ELOVL6: variants seen among roughly 807,000 people sequenced by gnomAD.
The protein encoded by ELOVL6 is very long chain fatty acid elongase 6.
Under a neutral mutation model 31.7 loss-of-function variants are expected in ELOVL6, and 8 were observed. The observed-to-expected ratio is 0.25, with a 90% CI of 0.15 to 0.45. ELOVL6 has a LOEUF of 0.45. Among genes scored for constraint, ELOVL6 ranks in the 20% least tolerant of loss-of-function variants. ELOVL6 has a pLI of 1.00. For synonymous variants in ELOVL6, 101 were observed against 117.7 expected, an observed-to-expected ratio of 0.86 and a Z score of 0.92; for missense variants, 126 against 326.4, an observed-to-expected ratio of 0.39 and a Z score of 4.73.
intron 2 of ELOVL6, among the ~76,000 whole-genome samples, chr4:110,098,909 T>C (rs1442973791): frequency 6.6e-6 from 1 of 152,178 alleles, no homozygotes; most frequent in Admixed American, 6.5e-5. Flanking sequence ...TCATCATCAT[T>C]GTTTTTGTGG....
At chr4:110,136,602 T>C (rs1757818907) in intron 1 of ELOVL6, among the ~76,000 whole-genome samples, 1 of 152,218 alleles carries the variant, frequency 6.6e-6, no homozygotes, top group South Asian at 2.1e-4. Context: ...GTCTGTAGGA[T>C]CTGCCAGCTG....
chr4:110,050,935 GCA>G lies in ELOVL6; in HGVS notation c.*401_*402del, dbSNP rs1225296530. Reference sequence around the variant, plus strand: ...AGAAAGGATTGTGTGTGTTGTGCTCGCACAGTTTCTAGAGTAAAAATCTTTCA... The same window carrying G: ...AGAAAGGATTGTGTGTGTTGTGCTCGCAGTTTCTAGAGTAAAAATCTTTCA... On this transcript the variant is annotated 3_prime_UTR_variant, in exon 4 of 4. Transcript: ENST00000302274. 1.0e-4 allele frequency: 20 copies of G among 194,886 alleles called. No individual in the cohort carries two copies. Among genetic ancestry groups the G allele is most frequent in the African/African-American group, 1.7e-4 (7 of 42,202 alleles). The allele number at this position is 194,886 out of a possible 1,614,324, so 12.1% of individuals were successfully genotyped here.
intron 2 of ELOVL6, among the ~76,000 whole-genome samples, chr4:110,061,992 C>CA (rs1755156624): frequency 6.6e-6 from 1 of 152,114 alleles, no homozygotes; most frequent in Non-Finnish European, 1.5e-5. Flanking sequence ...AAGGTATTCA[C>CA]ACAAGTTCAT....
chr4:110,197,508 G>C (rs1759843926), intron 1 of ELOVL6, among the ~76,000 whole-genome samples: 1 of 152,176 alleles, frequency 6.6e-6, no homozygotes. Flanking sequence ...AGAATTAGAA[G>C]TGTGTCCAAA....
chr4:110,109,207 T>C (rs1242999934), intron 1 of ELOVL6, among the ~76,000 whole-genome samples: 2 of 152,206 alleles, frequency 1.3e-5, no homozygotes, highest in Admixed American at 6.5e-5. Context: ...GGTAACACTA[T>C]ACTGTTTTAT....
At chr4:110,178,635 C>T (rs572801706) in intron 1 of ELOVL6, among the ~76,000 whole-genome samples, 17 of 151,900 alleles carry the variant, frequency 1.1e-4, no homozygotes, top group African/African-American at 4.1e-4. Context: ...GTCAGGACTG[C>T]TTAAGCTCAG....
chr4:110,132,129 G>C (rs533289714), intron 1 of ELOVL6, among the ~76,000 whole-genome samples: 1 of 152,232 alleles, frequency 6.6e-6, no homozygotes, highest in East Asian at 1.9e-4. Flanking sequence ...GCTCGAATGG[G>C]GCTAGTTTGA....
In ELOVL6 at chr4:110,045,957, C is replaced by T. The variant is rs777675073; in HGVS notation, c.*5381G>A. 3 of 151,924 alleles carry T rather than the reference C, an allele frequency of 2.0e-5. No homozygotes were observed. Among genetic ancestry groups the T allele is most frequent in the Non-Finnish European group, 4.4e-5 (3 of 67,998 alleles). 9.4% of individuals were successfully genotyped at this position (151,924 alleles called of 1,614,324 possible). ...CTTGAAAATAACAACTTCAACATTG[C>T]TGTGATTTGCTCTGTGAGGCTTATA... On this transcript the variant is annotated 3_prime_UTR_variant, in exon 4 of 4. Coordinates refer to ENST00000302274, the MANE Select transcript of ELOVL6 (RefSeq NM_024090.3).
At chr4:110,143,004 A>T (rs1758006599) in intron 1 of ELOVL6, among the ~76,000 whole-genome samples, 1 of 152,140 alleles carries the variant, frequency 6.6e-6, no homozygotes, top group Non-Finnish European at 1.5e-5. Flanking sequence ...CAGATCCTTA[A>T]ATCTACCAGT....
At chr4:110,084,588 A>ATATAT (rs1553956261) in intron 2 of ELOVL6, among the ~76,000 whole-genome samples, 3 of 29,662 alleles carry the variant, frequency 1.0e-4, no homozygotes, top group East Asian at 1.6e-3. Flanking sequence ...ATATATATAT[A>ATATAT]TTTTTTTTTT....
intron 1 of ELOVL6, among the ~76,000 whole-genome samples, chr4:110,179,421 G>A (rs748299628): frequency 2.6e-5 from 4 of 152,170 alleles, no homozygotes; most frequent in African/African-American, 2.4e-5. Flanking sequence ...CAGGAGAATT[G>A]CTTGAAACCG....
chr4:110,100,290 C>T (rs1756705455), intron 2 of ELOVL6, among the ~76,000 whole-genome samples: 1 of 152,174 alleles, frequency 6.6e-6, no homozygotes, highest in South Asian at 2.1e-4. Flanking sequence ...GAAAACTCAA[C>T]TGGCCATATT....
intron 1 of ELOVL6, among the ~76,000 whole-genome samples, chr4:110,113,411 C>T (rs1369872485): frequency 2.6e-5 from 4 of 151,616 alleles, no homozygotes; most frequent in Non-Finnish European, 5.9e-5. Context: ...AGACCCCCTC[C>T]ATCTCTACAA....
intron 2 of ELOVL6, among the ~76,000 whole-genome samples, chr4:110,074,320 G>T (rs1755570498): frequency 6.6e-6 from 1 of 152,134 alleles, no homozygotes; most frequent in Non-Finnish European, 1.5e-5. Context: ...AATTTGTATT[G>T]TTGTCTTTAT....
chr4:110,061,169 A>G (rs145147579), intron 2 of ELOVL6, among the ~76,000 whole-genome samples: 205 of 152,262 alleles, frequency 1.3e-3, no homozygotes, highest in African/African-American at 4.8e-3. Flanking sequence ...TTTTCTCTGC[A>G]CTTGGAATAA....
At chr4:110,144,028 T>C (rs1024557735) in intron 1 of ELOVL6, among the ~76,000 whole-genome samples, 6 of 124,898 alleles carry the variant, frequency 4.8e-5, no homozygotes, top group Admixed American at 2.0e-4. Context: ...CACTCCAGCC[T>C]GGGCAACAAG....
intron 1 of ELOVL6, among the ~76,000 whole-genome samples, chr4:110,169,457 GGCC>G (rs1162128262): frequency 7.6e-6 from 1 of 131,290 alleles, no homozygotes; most frequent in East Asian, 2.4e-4. Flanking sequence ...CAGGCTGGCT[GGCC>G]TGTAACTCCT....
At chr4:110,164,981 C>T (rs1446309882) in intron 1 of ELOVL6, among the ~76,000 whole-genome samples, 1 of 151,876 alleles carries the variant, frequency 6.6e-6, no homozygotes. Context: ...TGGGACTACA[C>T]GTGCACCCCA....
chr4:110,056,122 T>TGG (rs145744279), intron 3 of ELOVL6, among the ~76,000 whole-genome samples: 10,841 of 122,684 alleles, frequency 0.088, 485 homozygotes, highest in Middle Eastern at 0.13. Context: ...TTGTGGGAGC[T>TGG]GGGGGGGGGG....
Sources: gnomAD v4.1 joint callset for allele counts (sites outside exome capture counted in the v4.1 genomes callset) on GRCh38, gnomAD v4.1.1 for gene constraint, MANE v1.5 for transcripts, NCBI Gene and HGNC (gene_info 2026-07-23, HGNC 2026-07-21) for gene names.